Variants in TRPM1 observed in about 807,000 individuals in gnomAD.
TRPM1 encodes transient receptor potential cation channel subfamily M member 1.
A neutral mutation model predicts 149.4 loss-of-function variants in TRPM1; 113 were observed. That is an observed-to-expected ratio of 0.76 (90% CI 0.65 to 0.88). The LOEUF (loss-of-function observed/expected upper bound fraction) is 0.88. TRPM1 is among the 40% of genes least tolerant of loss of function. The pLI is 0.00. For missense variants in TRPM1, 1,976 were observed against 2,038.7 expected, an observed-to-expected ratio of 0.97 and a Z score of 0.59; for synonymous variants, 741 against 759.5, an observed-to-expected ratio of 0.98 and a Z score of 0.40.
At chr15:31,029,252 G>T in intron 24 of TRPM1, 119 bp downstream of exon 24, 1 of 1,063,786 alleles carries the variant, frequency 9.4e-7, no homozygotes, top group Non-Finnish European at 1.4e-6. Flanking sequence ...AAAAGTACTG[G>T]CACCAAAAAA....
Position 31,001,684 on chromosome 15 carries a change from T to C in TRPM1, c.*138A>G. 1.1e-6 allele frequency: 1 copy of C among 886,600 alleles called. No homozygotes were observed. The allele number at this position is 886,600 out of a possible 1,614,324, so 54.9% of individuals were successfully genotyped here. On this transcript the variant is annotated 3_prime_UTR_variant, in exon 28 of 28. Coordinates refer to ENST00000256552, the MANE Select transcript of TRPM1 (RefSeq NM_001252024.2). ...CTAACAAAATACTACTTTTAGTGCA[T>C]TAAATTGTAAATCAAGTCTGAATTT...
At chr15:31,109,011 G>T (rs756438424) in intron 1 of TRPM1, among the ~76,000 whole-genome samples, 4 of 152,204 alleles carry the variant, frequency 2.6e-5, no homozygotes, top group Non-Finnish European at 5.9e-5. Context: ...GCTGTGTGGA[G>T]ATATGGGAAT....
intron 1 of TRPM1, among the ~76,000 whole-genome samples, chr15:31,096,824 C>A (rs565796729): frequency 6.6e-6 from 1 of 152,216 alleles, no homozygotes; most frequent in East Asian, 1.9e-4. Context: ...CCAGAGTGCT[C>A]AGGCACTAGG....
intron 1 of TRPM1, among the ~76,000 whole-genome samples, chr15:31,116,583 C>A (rs1014796314): frequency 4.1e-5 from 6 of 145,220 alleles, no homozygotes; most frequent in African/African-American, 1.3e-4. Context: ...GCCTGGCCAA[C>A]GAGAGCAAAA....
At position 31,062,849 on chromosome 15, in the gene TRPM1, G is replaced by A. The variant is rs1391662136; in HGVS notation, c.966-147C>T. 7 of 1,034,158 alleles carry A rather than the reference G, an allele frequency of 6.8e-6. No individual in the cohort carries two copies. In the African/African-American group the frequency reaches 8.0e-5, roughly 12 times the overall value. 64.1% of individuals were successfully genotyped at this position (1,034,158 alleles called of 1,614,324 possible). ...CAAAAAGTAACCATAGTCAAACATCGTATTCTCACTTGTCCTAAATTCCAG... is the reference window on the plus strand; with the variant it reads ...CAAAAAGTAACCATAGTCAAACATCATATTCTCACTTGTCCTAAATTCCAG... On this transcript the variant is annotated intron_variant, in intron 8 of 27. Coordinates refer to ENST00000256552, the MANE Select transcript of TRPM1 (RefSeq NM_001252024.2).
chr15:31,099,916 A>C (rs1007824406), intron 1 of TRPM1, among the ~76,000 whole-genome samples: 4 of 152,150 alleles, frequency 2.6e-5, no homozygotes, highest in Non-Finnish European at 5.9e-5. Context: ...CATCAAGTGC[A>C]CTCATAGAGA....
At chr15:31,013,132 A>G (rs2140879821) in intron 27 of TRPM1, among the ~76,000 whole-genome samples, 1 of 151,466 alleles carries the variant, frequency 6.6e-6, no homozygotes, top group South Asian at 2.1e-4. Flanking sequence ...CGGCACCACC[A>G]TGCTCTGCCA....
chr15:31,108,216 T>C (rs2035636318), intron 1 of TRPM1, among the ~76,000 whole-genome samples: 1 of 152,210 alleles, frequency 6.6e-6, no homozygotes, highest in South Asian at 2.1e-4. Context: ...AGAACATACT[T>C]TGCATGGCTT....
At chr15:31,030,929 G>C (rs2033037355) in intron 23 of TRPM1, 54 bp downstream of exon 23, 1 of 1,600,496 alleles carries the variant, frequency 6.2e-7, no homozygotes, top group African/African-American at 1.3e-5. Context: ...ATTTGGAACT[G>C]ATCATCTGCC....
In TRPM1 at chr15:31,113,437, T is replaced by G. The variant is rs988637131; in HGVS notation, c.55-36453A>C. Among the ~76,000 whole-genome samples, 12 of 151,338 alleles carry G rather than the reference T, an allele frequency of 7.9e-5. No individual in the cohort carries two copies. The East Asian group carries it at 2.1e-3, about 27-fold the overall frequency. Reference sequence around the variant, plus strand: ...TTCAATACCCAGCTCTGACAGTTTTTTTTTTTTCAAAATCTCTAAGGTATA... The same window carrying G: ...TTCAATACCCAGCTCTGACAGTTTTGTTTTTTTCAAAATCTCTAAGGTATA... On this transcript the variant is annotated intron_variant, in intron 1 of 26. Transcript: ENST00000542188.
At position 31,050,453 on chromosome 15, in the gene TRPM1, C is replaced by T. The variant is rs768003606; in HGVS notation, c.1393G>A (p.Val465Met). 4.3e-6 allele frequency: 7 copies of T among 1,613,890 alleles called. No individual in the cohort carries two copies. Among genetic ancestry groups the T allele is most frequent in the Non-Finnish European group, 5.9e-6 (7 of 1,179,932 alleles). ...GKKKGKVKEE[V>M]EEETDPRKIE... ...TTCCGGGGGTCAGTTTCTTCCTCCA[C>T]TTCCTCTTTCACTTTCCCTTTCTTC... The change falls in exon 12 of 28, where the codon GTG becomes ATG. Residue 465 changes from valine to methionine, a missense_variant. By Grantham distance (21) the Val-to-Met change is conservative. Around this residue, in one of 3 missense-constraint regions of TRPM1, gnomAD observed 1,332 missense variants for 1,347.1 expected, o/e 0.99. Coordinates refer to ENST00000256552, the MANE Select transcript of TRPM1 (RefSeq NM_001252024.2).
At chr15:31,084,585 A>T (rs1452496726) in intron 1 of TRPM1, among the ~76,000 whole-genome samples, 1 of 151,994 alleles carries the variant, frequency 6.6e-6, no homozygotes, top group Non-Finnish European at 1.5e-5. Flanking sequence ...TGAATTCATC[A>T]GTTGATGAAT....
At chr15:31,030,858 G>T in intron 23 of TRPM1, 125 bp downstream of exon 23, 1 of 1,033,718 alleles carries the variant, frequency 9.7e-7, no homozygotes, top group Non-Finnish European at 1.5e-6. Context: ...AAAATAATTT[G>T]ATGCCTATGG....
chr15:31,160,903 C>G, intron 1 of TRPM1: 6 of 1,535,530 alleles, frequency 3.9e-6, no homozygotes, highest in Non-Finnish European at 5.2e-6. Context: ...AAAGCTCACT[C>G]ACCTTCTGCG....
At chr15:31,138,446 G>A (rs549869583) in intron 1 of TRPM1, among the ~76,000 whole-genome samples, 1 of 152,306 alleles carries the variant, frequency 6.6e-6, no homozygotes, top group African/African-American at 2.4e-5. Context: ...TCAATTGTGA[G>A]GGATATCAAA....
At position 31,002,748 on chromosome 15, in the gene TRPM1, C is replaced by T. The variant is rs2031832568; in HGVS notation, c.3952G>A (p.Gly1318Arg). 6.2e-7 allele frequency: 1 copy of T among 1,614,080 alleles called. No homozygotes were observed. The highest frequency in any genetic ancestry group is 1.3e-5 in the African/African-American group (1 of 74,924). ...AAGGAACAGGTTTTTTTCCTGACTCCTGTCCCTGGTGACGTGGAGAGAGAT... is the reference window on the plus strand; with the variant it reads ...AAGGAACAGGTTTTTTTCCTGACTCTTGTCCCTGGTGACGTGGAGAGAGAT... ...DTSLSTSPGT[G>R]VRKKTCSFRI... Residue 1318 changes from glycine to arginine, a missense_variant, in exon 28 of 28, where the codon GGA becomes AGA. Gly to Arg is a moderately radical substitution (Grantham distance 125). Coordinates refer to ENST00000256552, the MANE Select transcript of TRPM1 (RefSeq NM_001252024.2).
intron 21 of TRPM1, among the ~76,000 whole-genome samples, 196 bp downstream of exon 21, chr15:31,035,350 T>G (rs2033310957): frequency 6.6e-6 from 1 of 152,198 alleles, no homozygotes; most frequent in African/African-American, 2.4e-5. Flanking sequence ...TTCACCCTGT[T>G]GGCCAGGCTG....
intron 4 of TRPM1, chr15:31,069,802 T>C: frequency 6.8e-7 from 1 of 1,476,386 alleles, no homozygotes; most frequent in African/African-American, 1.4e-5. Context: ...TTCAGAGCTT[T>C]GGTATGGATT....
At chr15:31,096,714 C>T (rs766346451) in intron 1 of TRPM1, among the ~76,000 whole-genome samples, 4 of 152,220 alleles carry the variant, frequency 2.6e-5, no homozygotes, top group Non-Finnish European at 5.9e-5. Context: ...ACAGGTAGTA[C>T]CCTCTCCTTT....
Sources: gnomAD v4.1 joint callset for allele counts (sites outside exome capture counted in the v4.1 genomes callset) on GRCh38, gnomAD v4.1.1 for gene constraint, gnomAD v4.1.1 regional missense constraint, MANE v1.5 for transcripts, NCBI Gene and HGNC (gene_info 2026-07-23, HGNC 2026-07-21) for gene names.